CSMD1: variants seen among roughly 807,000 people sequenced by gnomAD.
CSMD1 encodes CUB and Sushi multiple domains 1.
In CSMD1, 213 loss-of-function variants were observed where a neutral mutation model predicts 417.5. The ratio of observed to expected loss-of-function variants is 0.51; its 90% CI spans 0.46 to 0.57. CSMD1 has a LOEUF of 0.57. Ranked by LOEUF, CSMD1 falls within the 20% of genes least tolerant of loss-of-function variation. The pLI, the probability that CSMD1 is intolerant of heterozygous loss-of-function variation, is 0.00. For missense variants in CSMD1, 6,923 were observed against 4,529.7 expected, an observed-to-expected ratio of 1.53 and a Z score of -15.17; for synonymous variants, 2,862 against 1,736.8, an observed-to-expected ratio of 1.65 and a Z score of -16.11.
intron 21 of CSMD1, among the ~76,000 whole-genome samples, chr8:3,354,805 CT>C (rs1808634329): frequency 1.2e-5 from 1 of 86,056 alleles, no homozygotes; most frequent in East Asian, 3.4e-4. Context: ...TAAACTCTCT[CT>C]CTCTCTATAT....
chr8:4,953,046 C>A (rs1486453933), intron 1 of CSMD1, among the ~76,000 whole-genome samples: 7 of 133,650 alleles, frequency 5.2e-5, no homozygotes, highest in Admixed American at 3.3e-4. Flanking sequence ...ACCATTAATA[C>A]GTGAGCAGAT....
chr8:3,889,494 A>ATATATATATATAT lies in CSMD1; in HGVS notation c.818+108408_818+108409insATATATATATATA, dbSNP rs1554475387. On this transcript the variant is annotated intron_variant, in intron 5 of 69. Transcript: ENST00000635120. ...ATATATATATATATATATATATATA[A>ATATATATATATAT]AATATGCTCATTAGGTCATGATATA... Among the ~76,000 whole-genome samples the ATATATATATATAT allele has an allele frequency of 5.0e-3, 194 of 38,476 alleles. 32 individuals carry two copies. Among genetic ancestry groups the ATATATATATATAT allele is most frequent in the South Asian group, 0.012 (11 of 922 alleles). The allele number at this position is 38,476 out of a possible 152,430, so 25.2% of individuals were successfully genotyped here. A position where few individuals can be genotyped will look rare whatever the true frequency, so the allele number is the denominator to read the frequency against.
intron 1 of CSMD1, among the ~76,000 whole-genome samples, chr8:4,789,887 A>T (rs1585101637): frequency 6.6e-6 from 1 of 152,164 alleles, no homozygotes; most frequent in Admixed American, 6.5e-5. Flanking sequence ...AGACTTGCCT[A>T]AGTAATAGAA....
At chr8:3,277,628 G>C (rs953643782) in intron 26 of CSMD1, among the ~76,000 whole-genome samples, 1 of 152,168 alleles carries the variant, frequency 6.6e-6, no homozygotes, top group Non-Finnish European at 1.5e-5. Context: ...AGATGTCAAG[G>C]GGCCCAGGAT....
intron 8 of CSMD1, among the ~76,000 whole-genome samples, chr8:3,606,491 C>G (rs891668757): frequency 8.2e-6 from 1 of 122,330 alleles, no homozygotes; most frequent in Non-Finnish European, 1.8e-5. Context: ...CGGAAGATGT[C>G]TCATTCATAT....
chr8:3,267,132 G>A (rs766286353), intron 26 of CSMD1, among the ~76,000 whole-genome samples: 8 of 152,144 alleles, frequency 5.3e-5, no homozygotes, highest in East Asian at 3.9e-4. Flanking sequence ...CCCAGAGGTC[G>A]TCCCGCGGCA....
intron 3 of CSMD1, among the ~76,000 whole-genome samples, chr8:4,176,995 C>A (rs569512450): frequency 2.0e-5 from 3 of 151,830 alleles, no homozygotes; most frequent in Admixed American, 6.6e-5. Context: ...ACTTTAACAC[C>A]CCACTGTCAA....
intron 10 of CSMD1, among the ~76,000 whole-genome samples, chr8:3,505,879 ATTAAT>A (rs1464080528): frequency 5.9e-5 from 9 of 152,344 alleles, no homozygotes; most frequent in Admixed American, 1.3e-4. Flanking sequence ...AAATAATAAG[ATTAAT>A]TTAAAAAACA....
At chr8:4,287,355 A>G (rs942098588) in intron 3 of CSMD1, among the ~76,000 whole-genome samples, 5 of 152,212 alleles carry the variant, frequency 3.3e-5, no homozygotes, top group Non-Finnish European at 7.3e-5. Flanking sequence ...TTTTTAAGAA[A>G]GCACACAATC....
intron 3 of CSMD1, among the ~76,000 whole-genome samples, chr8:4,054,957 G>A (rs759252861): frequency 6.6e-6 from 1 of 152,126 alleles, no homozygotes; most frequent in African/African-American, 2.4e-5. Flanking sequence ...GACATCAAAA[G>A]TTTTCACTTA....
At chr8:3,083,641 TATATA>T (rs1814295376) in intron 49 of CSMD1, among the ~76,000 whole-genome samples, 3 of 31,584 alleles carry the variant, frequency 9.5e-5, no homozygotes, top group African/African-American at 3.6e-4. Context: ...TATATATATA[TATATA>T]TATTTTTTTT....
rs147937750 is a variant in CSMD1, at chr8:4,175,346, C to G, written c.416-143247G>C. ...TTAAAGTTATCTTCGTCACTTTTTT[C>G]TAAATACTTTTTAACAGTGTTGGGC... is the stretch of plus-strand genomic sequence containing the variant. On this transcript the variant is annotated intron_variant, in intron 3 of 69. Transcript: ENST00000635120. Among the ~76,000 whole-genome samples, 23 of 152,186 alleles carry G rather than the reference C, an allele frequency of 1.5e-4. 1 individual carries two copies. In the East Asian group the frequency reaches 4.4e-3, roughly 29 times the overall value.
chr8:4,146,240 C>G (rs1321372292), intron 3 of CSMD1, among the ~76,000 whole-genome samples: 1 of 151,018 alleles, frequency 6.6e-6, no homozygotes. Flanking sequence ...GAAAACCTCT[C>G]CCAGGACCCT....
chr8:3,661,487 C>T (rs1449475792), intron 7 of CSMD1, among the ~76,000 whole-genome samples: 4 of 148,684 alleles, frequency 2.7e-5, no homozygotes, highest in African/African-American at 1.0e-4. Context: ...GTTCATTGCT[C>T]AATTAAACTG....
At chr8:3,333,090 C>T (rs563393006) in intron 23 of CSMD1, among the ~76,000 whole-genome samples, 1 of 152,146 alleles carries the variant, frequency 6.6e-6, no homozygotes, top group Non-Finnish European at 1.5e-5. Flanking sequence ...CAGGGAAATG[C>T]CAGTGGCACC....
chr8:4,118,286 A>G (rs770394762), intron 3 of CSMD1, among the ~76,000 whole-genome samples: 1 of 152,208 alleles, frequency 6.6e-6, no homozygotes, highest in Admixed American at 6.5e-5. Flanking sequence ...TCACATGTGA[A>G]GAAGTTCGAC....
Position 3,478,564 on chromosome 8 carries a change from A to G in CSMD1, c.1449-9740T>C, listed in dbSNP as rs369465322. Among the ~76,000 whole-genome samples, 64 of 152,318 alleles carry G rather than the reference A, an allele frequency of 4.2e-4. 1 individual carries two copies. In the South Asian group the frequency reaches 1.0e-2, roughly 24 times the overall value. The stretch of plus-strand genomic sequence containing the variant: ...GGACCGAAGACCAGAGAAACAGCAG[A>G]GCATGGGGTGACTTGTGGCCGATCA... On this transcript the variant is annotated intron_variant, in intron 11 of 69. Coordinates refer to ENST00000635120, the MANE Select transcript of CSMD1 (RefSeq NM_033225.6).
chr8:3,708,742 G>A (rs578223108), intron 6 of CSMD1, among the ~76,000 whole-genome samples: 2 of 152,272 alleles, frequency 1.3e-5, no homozygotes, highest in East Asian at 3.9e-4. Context: ...TGCTGCCACT[G>A]ACTTTACACA....
chr8:3,475,055 G>C (rs978379706), intron 11 of CSMD1, among the ~76,000 whole-genome samples: 2 of 152,084 alleles, frequency 1.3e-5, no homozygotes, highest in East Asian at 3.9e-4. Context: ...CCAGAATGAT[G>C]GCATTTCTCC....
Sources: allele counts gnomAD v4.1 joint callset (sites outside exome capture counted in the v4.1 genomes callset), GRCh38; gene constraint gnomAD v4.1.1; transcripts MANE v1.5; gene names NCBI Gene and HGNC (gene_info 2026-07-23, HGNC 2026-07-21).